Variants in VPS26B observed in about 807,000 individuals in gnomAD.
VPS26B encodes the protein VPS26 retromer complex component B.
VPS26B carries 10 observed loss-of-function variants against 33.3 expected under a neutral mutation model. The observed-to-expected ratio is 0.30, with a 90% CI of 0.19 to 0.51. The LOEUF (loss-of-function observed/expected upper bound fraction) is 0.51. Ranked by LOEUF, VPS26B falls within the 20% of genes least tolerant of loss-of-function variation. VPS26B has a pLI of 0.98. For synonymous variants in VPS26B, 190 were observed against 176.9 expected (o/e 1.07, Z -0.59); for missense variants, 317 against 452.7 (o/e 0.70, Z 2.72).
At position 134,244,987 on chromosome 11, in the gene VPS26B, C is replaced by T; in HGVS notation, c.771C>T (p.Pro257=). Residue 257 remains proline (P), a synonymous_variant, in exon 5 of 6, where the codon CCC becomes CCT. Coordinates refer to ENST00000281187, the MANE Select transcript of VPS26B (RefSeq NM_052875.5). The surrounding 1 kb of genome is among the most constrained non-coding windows in gnomAD (Gnocchi z 4.0). ...RLFLAGYELT[P]TMRDINKKFS... Reference sequence around the variant, plus strand: ...TCCTGGCCGGGTATGAGCTCACGCCCACCATGCGGGACATCAACAAGAAGT... The same window carrying T: ...TCCTGGCCGGGTATGAGCTCACGCCTACCATGCGGGACATCAACAAGAAGT... The T allele has an allele frequency of 1.2e-6, 2 of 1,614,122 alleles. No homozygotes were observed. The highest frequency in any genetic ancestry group is 1.7e-6 in the Non-Finnish European group (2 of 1,180,034).
Position 134,240,786 on chromosome 11 carries a change from T to TGTCC in VPS26B, c.545+633_545+634insCCGT, listed in dbSNP as rs1938708515. Reference sequence around the variant, plus strand: ...GCTAATTTGTGTCCGTGTGTGTGTGTGTGTGTCCGTGTGTGTGTGTGTGTG... The same window carrying TGTCC: ...GCTAATTTGTGTCCGTGTGTGTGTGTGTCCGTGTGTCCGTGTGTGTGTGTGTGTG... On this transcript the variant is annotated intron_variant, in intron 3 of 5. Transcript: ENST00000281187. The surrounding 1 kb of genome is among the most constrained non-coding windows in gnomAD (Gnocchi z 4.4). 8.6e-6 allele frequency among the ~76,000 whole-genome samples: 1 copy of TGTCC among 116,134 alleles called. No homozygotes were observed. Among genetic ancestry groups the TGTCC allele is most frequent in the Non-Finnish European group, 1.8e-5 (1 of 55,766 alleles). The allele number at this position is 116,134 out of a possible 152,430, so 76.2% of individuals were successfully genotyped here.
Position 134,244,876 on chromosome 11 carries a change from C to A in VPS26B, c.722-62C>A. On this transcript the variant is annotated intron_variant, in intron 4 of 5. Transcript: ENST00000281187. The surrounding 1 kb of genome is among the most constrained non-coding windows in gnomAD (Gnocchi z 4.0). ...GGCATCTCTGCAGTGGTCAGAGTGA[C>A]CTGGTATAAGGGAGAGGGCATCACC... The A allele has an allele frequency of 6.4e-7, 1 of 1,572,266 alleles. No homozygotes were observed. Among genetic ancestry groups the A allele is most frequent in the Non-Finnish European group, 8.6e-7 (1 of 1,163,982 alleles).
At position 134,243,281 on chromosome 11, in the gene VPS26B, G is replaced by A. The variant is rs767241061; in HGVS notation, c.708G>A (p.Gly236=). The A allele has an allele frequency of 1.2e-6, 2 of 1,613,996 alleles. No individual in the cohort carries two copies. Among genetic ancestry groups the A allele is most frequent in the Non-Finnish European group, 1.7e-6 (2 of 1,179,922 alleles). Residue 236 remains glycine, a synonymous_variant, in exon 4 of 6, where the codon GGG becomes GGA. Coordinates refer to ENST00000281187, the MANE Select transcript of VPS26B (RefSeq NM_052875.5). ...DTIAKYEIMD[G]APVRGESIPI... is the part of the protein sequence containing the mutation. ...TAGCCAAGTACGAGATCATGGACGG[G>A]GCACCAGTGCGAGGTGAGACTCCAG...
At chr11:134,230,670 T>C (rs1472217137) in intron 1 of VPS26B, among the ~76,000 whole-genome samples, 1 of 152,242 alleles carries the variant, frequency 6.6e-6, no homozygotes, top group East Asian at 1.9e-4. Flanking sequence ...AAGTTGAAAC[T>C]GATATCCCCT....
At chr11:134,238,313 G>A (rs1235190619) in intron 2 of VPS26B, among the ~76,000 whole-genome samples, 1 of 152,158 alleles carries the variant, frequency 6.6e-6, no homozygotes, top group Non-Finnish European at 1.5e-5. Context: ...TAGGCCTTAA[G>A]TAAGGAACAA....
At chr11:134,226,629 G>A (rs1055951419) in intron 1 of VPS26B, among the ~76,000 whole-genome samples, 1 of 152,202 alleles carries the variant, frequency 6.6e-6, no homozygotes, top group Non-Finnish European at 1.5e-5. Context: ...CACACCTCTG[G>A]TAGAGAATCC....
chr11:134,226,011 C>T (rs1938459885), intron 1 of VPS26B, among the ~76,000 whole-genome samples: 2 of 152,202 alleles, frequency 1.3e-5, no homozygotes. Context: ...TTTCAGTTAC[C>T]ACATTTTCTG....
Position 134,247,183 on chromosome 11 carries a change from C to G in VPS26B, c.*1593C>G, listed in dbSNP as rs1235499985. ...GAGGAAGGCAAGGTTGTTTCCCCCA[C>G]GCTGTGTCCTGTGTTCAGGTGCGAC... On this transcript the variant is annotated 3_prime_UTR_variant, in exon 6 of 6. Coordinates refer to ENST00000281187, the MANE Select transcript of VPS26B (RefSeq NM_052875.5). 1 of 152,176 alleles carries G rather than the reference C, an allele frequency of 6.6e-6. No homozygotes were observed. The highest frequency in any genetic ancestry group is 2.4e-5 in the African/African-American group (1 of 41,404). 9.4% of individuals were successfully genotyped at this position (152,176 alleles called of 1,614,324 possible).
Position 134,244,840 on chromosome 11 carries a change from T to C in VPS26B, c.722-98T>C, listed in dbSNP as rs1938785860. The C allele has an allele frequency of 6.8e-7, 1 of 1,462,010 alleles. No individual in the cohort carries two copies. Among genetic ancestry groups the C allele is most frequent in the Non-Finnish European group, 9.1e-7 (1 of 1,100,422 alleles). The allele number at this position is 1,462,010 out of a possible 1,614,324, so 90.6% of individuals were successfully genotyped here. A position where few individuals can be genotyped will look rare whatever the true frequency, so the allele number is the denominator to read the frequency against. On this transcript the variant is annotated intron_variant, in intron 4 of 5. Transcript: ENST00000281187. The surrounding 1 kb of genome is among the most constrained non-coding windows in gnomAD (Gnocchi z 4.0). Reference sequence around the variant, plus strand: ...CCAGAAGGCTGAAGTGCTCGTGTGCTGCACTCCAGTGGCATCTCTGCAGTG... The same window carrying C: ...CCAGAAGGCTGAAGTGCTCGTGTGCCGCACTCCAGTGGCATCTCTGCAGTG...
At chr11:134,235,180 G>A in intron 2 of VPS26B, 127 bp downstream of exon 2, 3 of 1,254,468 alleles carry the variant, frequency 2.4e-6, no homozygotes, top group Non-Finnish European at 3.3e-6. Context: ...GCGAGCTGTG[G>A]CGTGCTGGTA....
Position 134,245,592 on chromosome 11 carries a change from C to A in VPS26B, c.*2C>A, listed in dbSNP as rs1207732818. ...TCTGACAACAACTGCAGGCAGTAGG[C>A]CCCCAGGGCCGAGAAGATGCTGGGC... On this transcript the variant is annotated 3_prime_UTR_variant, in exon 6 of 6. Coordinates refer to ENST00000281187, the MANE Select transcript of VPS26B (RefSeq NM_052875.5). This position sits in a 1 kb window ranked among gnomAD's most constrained non-coding sequence, Gnocchi z 4.7. 6.2e-7 allele frequency: 1 copy of A among 1,605,614 alleles called. No individual in the cohort carries two copies. The highest frequency in any genetic ancestry group is 8.5e-7 in the Non-Finnish European group (1 of 1,177,824).
At chr11:134,235,128 A>C in intron 2 of VPS26B, 75 bp downstream of exon 2, 1 of 1,522,640 alleles carries the variant, frequency 6.6e-7, no homozygotes. Flanking sequence ...GGCCGTCCCC[A>C]CTTTGAGAAT....
chr11:134,225,898 C>G (rs1191097521), intron 1 of VPS26B, among the ~76,000 whole-genome samples: 1 of 152,190 alleles, frequency 6.6e-6, no homozygotes, highest in African/African-American at 2.4e-5. Flanking sequence ...CAGCCCTGAA[C>G]TACCTATGCT....
Position 134,240,630 on chromosome 11 carries a change from AT to A in VPS26B, c.545+484del, listed in dbSNP as rs1004145113. Among the ~76,000 whole-genome samples, 17 of 151,530 alleles carry A rather than the reference AT, an allele frequency of 1.1e-4. No homozygotes were observed. The highest frequency in any genetic ancestry group is 7.7e-4 in the East Asian group (4 of 5,162). The stretch of plus-strand genomic sequence containing the variant: ...AATGAATTATAGCAAAGAATATTGG[AT>A]TTTTTTTTCAAGATGGGGTACAGTG... On this transcript the variant is annotated intron_variant, in intron 3 of 5. Coordinates refer to ENST00000281187, the MANE Select transcript of VPS26B (RefSeq NM_052875.5). The surrounding 1 kb of genome is among the most constrained non-coding windows in gnomAD (Gnocchi z 4.4).
chr11:134,241,777 T>A (rs1192738912), intron 3 of VPS26B, among the ~76,000 whole-genome samples: 1 of 152,236 alleles, frequency 6.6e-6, no homozygotes, highest in Non-Finnish European at 1.5e-5. Context: ...TCTGTGTGAG[T>A]GCCTGATTTA....
intron 1 of VPS26B, among the ~76,000 whole-genome samples, chr11:134,227,224 C>T (rs1443568014): frequency 1.3e-5 from 2 of 152,256 alleles, no homozygotes; most frequent in African/African-American, 2.4e-5. Flanking sequence ...CCAGGATAAA[C>T]AGGATGAGTC....
rs1415825986 is a variant in VPS26B, at chr11:134,244,629, AC to A, written c.722-305del. On this transcript the variant is annotated intron_variant, in intron 4 of 5. Transcript: ENST00000281187. The surrounding 1 kb of genome is among the most constrained non-coding windows in gnomAD (Gnocchi z 4.0). Reference sequence around the variant, plus strand: ...GGACTTTGACAGCTGCCTTTTGAAAACCCCAAAACTAAACACACTGCATGTA... The same window carrying A: ...GGACTTTGACAGCTGCCTTTTGAAAACCCAAAACTAAACACACTGCATGTA... 8.7e-6 allele frequency: 2 copies of A among 230,182 alleles called. No individual in the cohort carries two copies. Among genetic ancestry groups the A allele is most frequent in the Non-Finnish European group, 1.7e-5 (2 of 119,382 alleles). The allele number at this position is 230,182 out of a possible 1,614,324, so 14.3% of individuals were successfully genotyped here.
At chr11:134,227,268 G>A (rs536546737) in intron 1 of VPS26B, among the ~76,000 whole-genome samples, 35 of 152,344 alleles carry the variant, frequency 2.3e-4, no homozygotes, top group Admixed American at 9.1e-4. Context: ...GTAAATAGTC[G>A]AGAAATCCTT....
rs1194476620 is a variant in VPS26B at position 134,245,419 on chromosome 11, C to T, written c.865-25C>T. 6 of 1,613,614 alleles carry T rather than the reference C, an allele frequency of 3.7e-6. No individual in the cohort carries two copies. Among genetic ancestry groups the T allele is most frequent in the Non-Finnish European group, 5.1e-6 (6 of 1,179,684 alleles). On this transcript the variant is annotated intron_variant, in intron 5 of 5. Transcript: ENST00000281187. This position sits in a 1 kb window ranked among gnomAD's most constrained non-coding sequence, Gnocchi z 4.7. Reference sequence around the variant, plus strand: ...CCCCATGCCTCCCTCTAAGGTGTCACATTGCCCCCCTTTCAATTCTGCAGG... The same window carrying T: ...CCCCATGCCTCCCTCTAAGGTGTCATATTGCCCCCCTTTCAATTCTGCAGG...
Sources: allele counts gnomAD v4.1 joint callset (sites outside exome capture counted in the v4.1 genomes callset), GRCh38; gene constraint gnomAD v4.1.1; non-coding constraint Gnocchi (gnomAD v3.1); transcripts MANE v1.5; gene names NCBI Gene and HGNC (gene_info 2026-07-23, HGNC 2026-07-21).